TPST1: variants seen among roughly 807,000 people sequenced by gnomAD.
TPST1 encodes tyrosylprotein sulfotransferase 1.
TPST1 carries 20 observed loss-of-function variants against 34.8 expected under a neutral mutation model. The observed-to-expected ratio is 0.57, with a 90% CI of 0.40 to 0.84. The LOEUF (loss-of-function observed/expected upper bound fraction) is 0.84. TPST1 is among the 40% of genes least tolerant of loss of function. The pLI is 0.00. For synonymous variants in TPST1, 152 were observed against 159.4 expected, an observed-to-expected ratio of 0.95 and a Z score of 0.35; for missense variants, 353 against 455.5, an observed-to-expected ratio of 0.78 and a Z score of 2.05.
intron 2 of TPST1, among the ~76,000 whole-genome samples, chr7:66,252,159 G>C (rs1308341019): frequency 3.4e-5 from 5 of 146,554 alleles, no homozygotes; most frequent in Admixed American, 6.9e-5. Flanking sequence ...CCGGGTTCAC[G>C]CCATTCTCCT....
At chr7:66,298,384 A>G in intron 3 of TPST1, among the ~76,000 whole-genome samples, 1 of 152,190 alleles carries the variant, frequency 6.6e-6, no homozygotes, top group East Asian at 1.9e-4. Flanking sequence ...TAATTATGAA[A>G]TATTTCTCTT....
intron 3 of TPST1, among the ~76,000 whole-genome samples, chr7:66,309,718 T>C (rs1044215545): frequency 2.6e-4 from 40 of 152,188 alleles, no homozygotes; most frequent in Admixed American, 9.8e-4. Flanking sequence ...TAAAGACTAT[T>C]CCTTTAAAAA....
chr7:66,303,689 C>T (rs980610482), intron 3 of TPST1, among the ~76,000 whole-genome samples: 6 of 151,992 alleles, frequency 3.9e-5, no homozygotes, highest in Admixed American at 3.9e-4. Flanking sequence ...GGATTACAGG[C>T]GTGAGTCACT....
At chr7:66,339,379 AAAGC>A (rs1306800888) in intron 3 of TPST1, among the ~76,000 whole-genome samples, 1 of 152,200 alleles carries the variant, frequency 6.6e-6, no homozygotes, top group Non-Finnish European at 1.5e-5. Flanking sequence ...TCAACCAAGA[AAAGC>A]CCAGGACCTG....
chr7:66,342,093 T>C (rs973156608), intron 3 of TPST1, among the ~76,000 whole-genome samples: 1 of 152,134 alleles, frequency 6.6e-6, no homozygotes, highest in African/African-American at 2.4e-5. Context: ...CAGGATGTTA[T>C]CAAAATGACA....
At chr7:66,233,884 A>G (rs983953782) in intron 1 of TPST1, among the ~76,000 whole-genome samples, 3 of 151,534 alleles carry the variant, frequency 2.0e-5, no homozygotes, top group African/African-American at 7.3e-5. Context: ...TTTCTGAGAC[A>G]AGAGTGTCTC....
intron 2 of TPST1, among the ~76,000 whole-genome samples, chr7:66,280,451 T>A (rs1476257398): frequency 6.6e-6 from 1 of 152,232 alleles, no homozygotes; most frequent in Admixed American, 6.5e-5. Context: ...GGAAATGCTA[T>A]TTTTGTACAA....
chr7:66,267,471 A>G (rs1038672814), intron 2 of TPST1, among the ~76,000 whole-genome samples: 1 of 152,188 alleles, frequency 6.6e-6, no homozygotes, highest in Admixed American at 6.5e-5. Flanking sequence ...ATTTGTTCTT[A>G]CAAAGAATGC....
chr7:66,233,923 G>A (rs915443632), intron 1 of TPST1, among the ~76,000 whole-genome samples: 3 of 151,786 alleles, frequency 2.0e-5, no homozygotes, highest in South Asian at 2.1e-4. Flanking sequence ...GTGCAGTGGC[G>A]TGATCTTGGT....
Position 66,241,053 on chromosome 7 carries a change from G to C in TPST1, c.628G>C (p.Asp210His). Reference sequence around the variant, plus strand: ...TGGATTTGATCTGAACAGCTATAGGGACTGTTTGACAAAGTGGAATCGTGC... The same window carrying C: ...TGGATTTGATCTGAACAGCTATAGGCACTGTTTGACAAAGTGGAATCGTGC... ...IAGFDLNSYR[D>H]CLTKWNRAIE... The change falls in exon 2 of 6, where the codon GAC (aspartate) becomes CAC (histidine). Residue 210 changes from aspartate (D) to histidine (H), a missense_variant. Physicochemically the swap from Asp to His is moderately conservative, Grantham distance 81. Transcript: ENST00000304842. 6.2e-7 allele frequency: 1 copy of C among 1,614,206 alleles called. No individual in the cohort carries two copies. The highest frequency in any genetic ancestry group is 1.1e-5 in the South Asian group (1 of 91,076).
Position 66,360,089 on chromosome 7 carries a change from G to A in TPST1, c.*224G>A, listed in dbSNP as rs1792661119. 4 of 398,744 alleles carry A rather than the reference G, an allele frequency of 1.0e-5. No individual in the cohort carries two copies. Among genetic ancestry groups the A allele is most frequent in the South Asian group, 5.4e-5 (3 of 56,006 alleles). 24.7% of individuals were successfully genotyped at this position (398,744 alleles called of 1,614,324 possible). On this transcript the variant is annotated 3_prime_UTR_variant, in exon 6 of 6. Transcript: ENST00000304842. ...TCCTGAGCAAAGAGCTCTTGATCCC[G>A]ATTTCATGCACAGCCCTGCAGTAAG...
At chr7:66,350,133 C>T (rs1195447404) in intron 3 of TPST1, among the ~76,000 whole-genome samples, 2 of 152,198 alleles carry the variant, frequency 1.3e-5, no homozygotes, top group African/African-American at 4.8e-5. Flanking sequence ...CCTGCCTCAG[C>T]CTCCTGAGTA....
chr7:66,350,884 T>C (rs1792463700), intron 3 of TPST1, among the ~76,000 whole-genome samples: 1 of 152,258 alleles, frequency 6.6e-6, no homozygotes, highest in African/African-American at 2.4e-5. Context: ...TTAAATGATA[T>C]ATGTGTAACA....
chr7:66,336,653 A>G (rs1562850583), intron 3 of TPST1, among the ~76,000 whole-genome samples: 2 of 152,184 alleles, frequency 1.3e-5, no homozygotes, highest in Non-Finnish European at 2.9e-5. Context: ...ATTCCTGAAG[A>G]TGAGGAAGAA....
intron 3 of TPST1, among the ~76,000 whole-genome samples, chr7:66,304,280 G>T (rs78747471): frequency 0.016 from 2,385 of 152,270 alleles, 59 homozygotes; most frequent in East Asian, 0.093. Flanking sequence ...CTAGGAAACT[G>T]CCTCTCGCTG....
intron 2 of TPST1, among the ~76,000 whole-genome samples, chr7:66,259,793 G>A (rs933103234): frequency 2.6e-5 from 4 of 151,962 alleles, no homozygotes; most frequent in Admixed American, 6.6e-5. Flanking sequence ...TTACATTAAC[G>A]TTCACTCTTG....
chr7:66,269,798 A>T (rs1476036842), intron 2 of TPST1, among the ~76,000 whole-genome samples: 1 of 152,190 alleles, frequency 6.6e-6, no homozygotes, highest in African/African-American at 2.4e-5. Flanking sequence ...AAGAGCTGGG[A>T]TGTAGGAATT....
intron 2 of TPST1, among the ~76,000 whole-genome samples, chr7:66,252,801 G>A (rs941516733): frequency 6.6e-6 from 1 of 151,862 alleles, no homozygotes; most frequent in Non-Finnish European, 1.5e-5. Context: ...ATACTCTGAG[G>A]TCATAAAAAT....
rs566213810 is a variant in TPST1 at position 66,296,746 on chromosome 7, G to A, written c.1044+10037G>A. Among the ~76,000 whole-genome samples the A allele has an allele frequency of 9.5e-4, 121 of 127,238 alleles. 1 individual carries two copies. The South Asian group carries it at 0.014, about 15-fold the overall frequency. 83.5% of individuals were successfully genotyped at this position (127,238 alleles called of 152,430 possible). On this transcript the variant is annotated intron_variant, in intron 3 of 5. Transcript: ENST00000304842. ...AGTAATATTGAGTCAGCACATTTTAGGGACATATTACCCAATATTGAATGG... is the reference window on the plus strand; with the variant it reads ...AGTAATATTGAGTCAGCACATTTTAAGGACATATTACCCAATATTGAATGG...
Sources: gnomAD v4.1 joint callset for allele counts (sites outside exome capture counted in the v4.1 genomes callset) on GRCh38, gnomAD v4.1.1 for gene constraint, MANE v1.5 for transcripts, NCBI Gene and HGNC (gene_info 2026-07-23, HGNC 2026-07-21) for gene names.